Variants in RIC3 observed in about 807,000 individuals in gnomAD.
RIC3 encodes protein RIC-3.
In RIC3, 28 loss-of-function variants were observed where a neutral mutation model predicts 27.3. That is an observed-to-expected ratio of 1.02 (90% CI 0.76 to 1.41). RIC3 has a LOEUF of 1.41. RIC3 is among the 40% of genes most tolerant of loss of function. The probability of loss-of-function intolerance (pLI) is 0.00; values close to 1 mark genes in which losing one functional copy is unlikely to be tolerated. For missense variants in RIC3, 501 were observed against 444.7 expected (o/e 1.13, Z -1.14); for synonymous variants, 184 against 160.4 (o/e 1.15, Z -1.11).
At chr11:8,144,032 G>C (rs1187577800) in intron 1 of RIC3, among the ~76,000 whole-genome samples, 1 of 152,170 alleles carries the variant, frequency 6.6e-6, no homozygotes, top group Non-Finnish European at 1.5e-5. Flanking sequence ...ATCAATTCAA[G>C]ATGGATTAAA....
At chr11:8,097,327 A>G in the RIC3 span, 2,747 of 1,614,178 alleles carry the variant, frequency 1.7e-3, 4 homozygotes, top group Admixed American at 4.5e-3. Context: ...CCCCCAGGGT[A>G]TCACCATCAA....
intron 5 of RIC3, among the ~76,000 whole-genome samples, chr11:8,111,791 G>A (rs1373889101): frequency 6.6e-6 from 1 of 152,228 alleles, no homozygotes; most frequent in Admixed American, 6.5e-5. Context: ...CAAACAAAAT[G>A]AGTAACACTG....
intron 5 of RIC3, among the ~76,000 whole-genome samples, chr11:8,114,915 T>C (rs1336060524): frequency 1.3e-5 from 2 of 152,070 alleles, no homozygotes; most frequent in African/African-American, 4.8e-5. Flanking sequence ...GACAGATTAT[T>C]TGACAATATA....
chr11:8,138,195 AC>A (rs1316496586), intron 3 of RIC3, 76 bp downstream of exon 3: 17 of 999,398 alleles, frequency 1.7e-5, no homozygotes, highest in Non-Finnish European at 2.6e-5. Flanking sequence ...TTTAAGACAT[AC>A]CCACAGACTG....
chr11:8,143,631 C>A (rs1273313924), intron 1 of RIC3, among the ~76,000 whole-genome samples: 3 of 152,046 alleles, frequency 2.0e-5, no homozygotes, highest in Admixed American at 6.6e-5. Flanking sequence ...TCAATGCCAT[C>A]CCCATAAAGC....
At chr11:8,105,485 G>C (rs985926689), downstream of RIC3, 6 of 152,194 alleles carry the variant, frequency 3.9e-5, no homozygotes, top group Admixed American at 1.3e-4. Context: ...GATAGATTAC[G>C]ACAGGTTTGG....
chr11:8,162,145 G>A (rs1403328812), intron 1 of RIC3, among the ~76,000 whole-genome samples: 1 of 152,228 alleles, frequency 6.6e-6, no homozygotes, highest in Non-Finnish European at 1.5e-5. Flanking sequence ...ACTTGAGAAC[G>A]AACCCAGAGT....
rs868473827 is a variant in RIC3 at position 8,147,740 on chromosome 11, T to C, written c.125-7547A>G. Among the ~76,000 whole-genome samples the C allele has an allele frequency of 2.0e-5, 3 of 150,444 alleles. No homozygotes were observed. In the Middle Eastern group the frequency reaches 0.01, roughly 519 times the overall value. ...TTGCGTAAGATTTTTTTTTTTTTTT[T>C]TTTTTTGAGAGGGAGTCTTGCTCTG... On this transcript the variant is annotated intron_variant, in intron 1 of 5. Transcript: ENST00000309737.
At chr11:8,148,105 G>A (rs998714955) in intron 1 of RIC3, among the ~76,000 whole-genome samples, 1 of 152,190 alleles carries the variant, frequency 6.6e-6, no homozygotes, top group African/African-American at 2.4e-5. Context: ...GGTAGGCTTG[G>A]AAGTTGCCTT....
At chr11:8,155,793 G>A (rs978462787) in intron 1 of RIC3, among the ~76,000 whole-genome samples, 2 of 152,084 alleles carry the variant, frequency 1.3e-5, no homozygotes, top group Non-Finnish European at 2.9e-5. Context: ...AGAAACAGCG[G>A]TTCAAGAAAG....
At chr11:8,137,872 T>G (rs981153768) in intron 3 of RIC3, among the ~76,000 whole-genome samples, 2 of 142,450 alleles carry the variant, frequency 1.4e-5, no homozygotes, top group Non-Finnish European at 3.1e-5. Flanking sequence ...ACACAGAATA[T>G]TCTAGTTGTA....
intron 1 of RIC3, among the ~76,000 whole-genome samples, chr11:8,152,024 G>C (rs1461756551): frequency 1.3e-5 from 2 of 152,020 alleles, no homozygotes; most frequent in Non-Finnish European, 2.9e-5. Flanking sequence ...TCGCCACCAA[G>C]GAAATGCAAA....
chr11:8,162,971 G>T (rs1024308722), intron 1 of RIC3, among the ~76,000 whole-genome samples: 6 of 149,956 alleles, frequency 4.0e-5, no homozygotes, highest in African/African-American at 1.5e-4. Flanking sequence ...TCTTTGCTCA[G>T]TATTTCTTCT....
At chr11:8,167,583 G>A (rs1375292023) in intron 1 of RIC3, among the ~76,000 whole-genome samples, 1 of 149,926 alleles carries the variant, frequency 6.7e-6, no homozygotes, top group Non-Finnish European at 1.5e-5. Flanking sequence ...GTTCAGAAGA[G>A]TGTCTCCCAC....
intron 1 of RIC3, among the ~76,000 whole-genome samples, chr11:8,155,218 TAAAAAAAA>T (rs61400460): frequency 1.7e-5 from 2 of 121,044 alleles, no homozygotes; most frequent in Admixed American, 8.5e-5. Context: ...GACCCCATCT[TAAAAAAAA>T]AAAAAAAAAA....
intron 1 of RIC3, among the ~76,000 whole-genome samples, 179 bp downstream of exon 1, chr11:8,168,687 C>T (rs1951979039): frequency 6.6e-6 from 1 of 152,224 alleles, no homozygotes; most frequent in South Asian, 2.1e-4. Context: ...GGCCGCCACC[C>T]GCTGATAACA....
chr11:8,126,711 T>C lies in RIC3; in HGVS notation c.618A>G (p.Arg206=), dbSNP rs1947028088. ...CCTCAGCTTCTTTCTCTGGAGAAAATCTGTCAATGAATTTTCCTTCTTTCA... is the reference window on the plus strand; with the variant it reads ...CCTCAGCTTCTTTCTCTGGAGAAAACCTGTCAATGAATTTTCCTTCTTTCA... ...RVMKEGKFID[R]FSPEKEAEEA... The change falls in exon 5 of 6, where the codon AGA becomes AGG. Residue 206 remains arginine (R), a synonymous_variant. Coordinates refer to ENST00000309737, the MANE Select transcript of RIC3 (RefSeq NM_001206671.4). The C allele has an allele frequency of 1.2e-6, 2 of 1,614,104 alleles. No individual in the cohort carries two copies. Among genetic ancestry groups the C allele is most frequent in the Non-Finnish European group, 1.7e-6 (2 of 1,180,022 alleles).
chr11:8,157,728 G>T (rs1025466392), intron 1 of RIC3, among the ~76,000 whole-genome samples: 37 of 151,984 alleles, frequency 2.4e-4, no homozygotes, highest in African/African-American at 8.5e-4. Context: ...TCATTTGTAG[G>T]GCTAAAAATA....
chr11:8,122,091 A>G (rs965781563), intron 5 of RIC3, among the ~76,000 whole-genome samples: 1 of 152,140 alleles, frequency 6.6e-6, no homozygotes, highest in African/African-American at 2.4e-5. Context: ...AATCCCATGT[A>G]CCCTTTATCC....
Sources: allele counts gnomAD v4.1 joint callset (sites outside exome capture counted in the v4.1 genomes callset), GRCh38; gene constraint gnomAD v4.1.1; transcripts MANE v1.5; gene names NCBI Gene and HGNC (gene_info 2026-07-23, HGNC 2026-07-21).